SPATA13: variants seen among roughly 807,000 people sequenced by gnomAD.
SPATA13 encodes the protein spermatogenesis-associated protein 13.
Under a neutral mutation model 104.0 loss-of-function variants are expected in SPATA13, and 50 were observed. That is an observed-to-expected ratio of 0.48 (90% CI 0.38 to 0.61). The LOEUF is 0.61. Ranked by LOEUF, SPATA13 falls within the 20% of genes least tolerant of loss-of-function variation. The pLI, the probability that SPATA13 is intolerant of heterozygous loss-of-function variation, is 0.00. For missense variants in SPATA13, 1,524 were observed against 1,690.6 expected, an observed-to-expected ratio of 0.90 and a Z score of 1.73; for synonymous variants, 606 against 667.5, an observed-to-expected ratio of 0.91 and a Z score of 1.42.
At chr13:24,201,852 T>C (rs1388380222) in intron 1 of SPATA13, among the ~76,000 whole-genome samples, 1 of 152,212 alleles carries the variant, frequency 6.6e-6, no homozygotes, top group Non-Finnish European at 1.5e-5. Flanking sequence ...GTGCTTCACC[T>C]GTTCACTTCT....
In SPATA13 at chr13:24,251,647, A is replaced by G. The variant is rs1435260381; in HGVS notation, c.2020-71A>G. ...TGAGTGGCTTCGAGGTGAGAGCGCTATGCGTGTGAGGTGCTTGCAAGAGCT... is the reference window on the plus strand; with the variant it reads ...TGAGTGGCTTCGAGGTGAGAGCGCTGTGCGTGTGAGGTGCTTGCAAGAGCT... On this transcript the variant is annotated intron_variant, in intron 3 of 12. Coordinates refer to ENST00000382108, the MANE Select transcript of SPATA13 (RefSeq NM_001166271.3). 4 of 1,580,546 alleles carry G rather than the reference A, an allele frequency of 2.5e-6. 1 individual carries two copies. Among genetic ancestry groups the G allele is most frequent in the African/African-American group, 1.3e-5 (1 of 74,482 alleles).
At chr13:23,985,596 G>A (rs1875112678) in intron 2 of SPATA13, among the ~76,000 whole-genome samples, 1 of 152,220 alleles carries the variant, frequency 6.6e-6, no homozygotes, top group African/African-American at 2.4e-5. Flanking sequence ...GGGGTTTCAA[G>A]CCTTATCTTC....
intron 4 of SPATA13, among the ~76,000 whole-genome samples, chr13:24,283,125 G>A (rs1487605164): frequency 6.6e-6 from 1 of 152,180 alleles, no homozygotes; most frequent in Non-Finnish European, 1.5e-5. Flanking sequence ...TCGGGCCATC[G>A]CACTGTTCTG....
chr13:24,252,018 A>G (rs1873521581), intron 4 of SPATA13, among the ~76,000 whole-genome samples, 156 bp downstream of exon 4: 1 of 152,198 alleles, frequency 6.6e-6, no homozygotes, highest in Non-Finnish European at 1.5e-5. Context: ...AGAATGGTGC[A>G]TCATTTGCTG....
chr13:24,123,634 G>A lies in SPATA13; in HGVS notation c.-111-99185G>A. The A allele has an allele frequency of 5.6e-6, 9 of 1,605,182 alleles. No homozygotes were observed. In the South Asian group the frequency reaches 9.9e-5, roughly 18 times the overall value. ...AAAAGTGTCTGGGCAGCAGTGGTAGGAGAAATGAAATCTTCAAACACATCA... is the reference window on the plus strand; with the variant it reads ...AAAAGTGTCTGGGCAGCAGTGGTAGAAGAAATGAAATCTTCAAACACATCA... On this transcript the variant is annotated intron_variant, in intron 3 of 14. Coordinates refer to the SPATA13 transcript ENST00000424834.
intron 3 of SPATA13, among the ~76,000 whole-genome samples, chr13:24,035,630 C>T (rs1877649655): frequency 6.6e-6 from 1 of 152,140 alleles, no homozygotes; most frequent in African/African-American, 2.4e-5. Context: ...ACCTGATTCA[C>T]AGGAGGCGTG....
At chr13:24,198,168 T>C (rs1206461654) in intron 1 of SPATA13, among the ~76,000 whole-genome samples, 1 of 152,162 alleles carries the variant, frequency 6.6e-6, no homozygotes, top group East Asian at 1.9e-4. Flanking sequence ...CTAATTTCTA[T>C]ATTTTTAGTA....
intron 3 of SPATA13, among the ~76,000 whole-genome samples, chr13:24,140,991 A>G (rs1381605409): frequency 6.6e-6 from 1 of 152,170 alleles, no homozygotes; most frequent in Non-Finnish European, 1.5e-5. Context: ...CTTGGCCAAC[A>G]AGGTGAAACC....
At chr13:24,248,417 G>A (rs536497618) in intron 2 of SPATA13, among the ~76,000 whole-genome samples, 2 of 152,340 alleles carry the variant, frequency 1.3e-5, no homozygotes, top group South Asian at 4.1e-4. Flanking sequence ...ATGTCTGCTC[G>A]ATTCCCAGCA....
At chr13:24,064,597 G>A (rs1192257534) in intron 3 of SPATA13, among the ~76,000 whole-genome samples, 4 of 152,264 alleles carry the variant, frequency 2.6e-5, no homozygotes, top group Middle Eastern at 6.8e-3. Flanking sequence ...CTACAAACCA[G>A]GAAGTAGGCC....
chr13:24,267,481 A>C (rs2138689334), intron 4 of SPATA13, among the ~76,000 whole-genome samples: 1 of 152,338 alleles, frequency 6.6e-6, no homozygotes, highest in East Asian at 1.9e-4. Flanking sequence ...GATTGAGAAA[A>C]AGTGCTTGGG....
chr13:24,286,354 T>G lies in SPATA13; in HGVS notation c.2442T>G (p.Ser814Arg). ...ACAAGGACTGGTGGTGGGGCCGCAG[T>G]GAAGATAAGGAAGCCTGGTTCCCCG... ...ASNKDWWWGR[S>R]EDKEAWFPAS... Residue 814 changes from serine to arginine, a missense_variant, in exon 6 of 13, where the codon AGT (serine) becomes AGG (arginine). Ser to Arg is a moderately radical substitution (Grantham distance 110, BLOSUM62 -1). Transcript: ENST00000382108. This position sits in a 1 kb window ranked among gnomAD's most constrained non-coding sequence, Gnocchi z 4.9. 1 of 1,612,900 alleles carries G rather than the reference T, an allele frequency of 6.2e-7. No individual in the cohort carries two copies. Among genetic ancestry groups the G allele is most frequent in the Non-Finnish European group, 8.5e-7 (1 of 1,179,992 alleles).
At chr13:24,174,432 A>C (rs1222092237) in intron 1 of SPATA13, among the ~76,000 whole-genome samples, 1 of 149,728 alleles carries the variant, frequency 6.7e-6, no homozygotes, top group African/African-American at 2.5e-5. Flanking sequence ...TTGATTTGAG[A>C]TGGTTCTTCT....
chr13:24,191,572 T>G (rs1050758101), intron 1 of SPATA13, among the ~76,000 whole-genome samples: 3 of 142,026 alleles, frequency 2.1e-5, no homozygotes, highest in Non-Finnish European at 3.0e-5. Flanking sequence ...TGCAGTGGCG[T>G]GATCTTGGCT....
intron 1 of SPATA13, among the ~76,000 whole-genome samples, chr13:24,173,511 C>CTT (rs34242537): frequency 3.4e-4 from 46 of 136,176 alleles, no homozygotes; most frequent in Non-Finnish European, 5.7e-4. Context: ...CGTCCCCCAA[C>CTT]TTTTTTTTTT....
chr13:24,201,681 C>T (rs562130665), intron 1 of SPATA13, among the ~76,000 whole-genome samples: 30 of 152,122 alleles, frequency 2.0e-4, no homozygotes, highest in East Asian at 9.6e-4. Context: ...GCTCATGGTT[C>T]GCCCACCTTG....
At chr13:24,028,505 G>A (rs77268932) in intron 3 of SPATA13, among the ~76,000 whole-genome samples, 19,597 of 152,224 alleles carry the variant, frequency 0.13, 1,779 homozygotes, top group East Asian at 0.52. Flanking sequence ...TTAAATACAA[G>A]GTCCTATCTT....
intron 3 of SPATA13, among the ~76,000 whole-genome samples, chr13:24,250,446 A>C (rs947804520): frequency 1.3e-5 from 2 of 152,356 alleles, no homozygotes; most frequent in Admixed American, 6.5e-5. Flanking sequence ...ACATTTAATT[A>C]AAGACCCTAT....
chr13:24,282,190 C>T (rs13313271), intron 4 of SPATA13, among the ~76,000 whole-genome samples: 33,619 of 151,720 alleles, frequency 0.22, 3,928 homozygotes, highest in Middle Eastern at 0.27. Flanking sequence ...TGGGGCTGGA[C>T]GTGTGTCTGC....
Sources: gnomAD v4.1 joint callset for allele counts (sites outside exome capture counted in the v4.1 genomes callset) on GRCh38, gnomAD v4.1.1 for gene constraint, Gnocchi (gnomAD v3.1) non-coding constraint, MANE v1.5 for transcripts, NCBI Gene and HGNC (gene_info 2026-07-23, HGNC 2026-07-21) for gene names.